FLT4: variants seen among roughly 807,000 people sequenced by gnomAD.
FLT4 encodes the protein fms related receptor tyrosine kinase 4.
Under a neutral mutation model 163.2 loss-of-function variants are expected in FLT4, and 30 were observed. The observed-to-expected ratio is 0.18, with a 90% CI of 0.14 to 0.25. The LOEUF (loss-of-function observed/expected upper bound fraction) is 0.25, where lower values mean the gene tolerates loss of function less well. Among genes scored for constraint, FLT4 ranks in the 10% least tolerant of loss-of-function variants. The probability of loss-of-function intolerance (pLI) is 1.00; values close to 1 mark genes in which losing one functional copy is unlikely to be tolerated. For missense variants in FLT4, 1,510 were observed against 1,863.8 expected, an observed-to-expected ratio of 0.81 and a Z score of 3.50; for synonymous variants, 884 against 789.5, an observed-to-expected ratio of 1.12 and a Z score of -2.01.
intron 2 of FLT4, among the ~76,000 whole-genome samples, chr5:180,631,193 G>A (rs1581681286): frequency 6.6e-6 from 1 of 152,178 alleles, no homozygotes; most frequent in Non-Finnish European, 1.5e-5. Context: ...GATGGGGTGG[G>A]CTGGGCACAG....
At chr5:180,627,689 C>T (rs1763740740) in intron 8 of FLT4, among the ~76,000 whole-genome samples, 1 of 152,314 alleles carries the variant, frequency 6.6e-6, no homozygotes, top group Non-Finnish European at 1.5e-5. Context: ...GAAAGCTGTT[C>T]TGAGAGGCAG....
At chr5:180,608,847 G>T in intron 29 of FLT4, 121 bp downstream of exon 29, 1 of 867,708 alleles carries the variant, frequency 1.2e-6, no homozygotes, top group South Asian at 1.3e-5. Context: ...CGCGCGAAAA[G>T]GCCATAGGGA....
intron 11 of FLT4, 97 bp from the exon 12 acceptor site, chr5:180,622,936 C>T: frequency 1.3e-6 from 1 of 784,554 alleles, no homozygotes; most frequent in Non-Finnish European, 2.2e-6. Flanking sequence ...CCACCCCCCC[C>T]AATCATGGGG....
At position 180,625,931 on chromosome 5, in the gene FLT4, A is replaced by G. The variant is rs746063243; in HGVS notation, c.1359T>C (p.Pro453=). Residue 453 remains proline (P), a synonymous_variant, in exon 10 of 30, where the codon CCT becomes CCC. Coordinates refer to ENST00000261937, the MANE Select transcript of FLT4 (RefSeq NM_182925.5). ...LTCTAYGVPL[P]LSIQWHWRPW... ...GCCGCCAGTGCCACTGGATGCTGAGAGGCAGGGGCACCCCGTAGGCCGTGC... is the reference window on the plus strand; with the variant it reads ...GCCGCCAGTGCCACTGGATGCTGAGGGGCAGGGGCACCCCGTAGGCCGTGC... 3 of 1,612,644 alleles carry G rather than the reference A, an allele frequency of 1.9e-6. No homozygotes were observed. The highest frequency in any genetic ancestry group is 2.7e-5 in the African/African-American group (2 of 75,000).
intron 1 of FLT4, 51 bp downstream of exon 1, chr5:180,649,437 C>G (rs1240745366): frequency 4.4e-6 from 6 of 1,372,634 alleles, no homozygotes; most frequent in South Asian, 1.3e-5. Context: ...CGCGGTACCC[C>G]CTCCCCGGCC....
intron 1 of FLT4, among the ~76,000 whole-genome samples, chr5:180,638,923 C>T (rs1764885778): frequency 6.6e-6 from 1 of 152,094 alleles, no homozygotes; most frequent in South Asian, 2.1e-4. Flanking sequence ...TCTTTCTTAC[C>T]CCACCCCATG....
intron 10 of FLT4, among the ~76,000 whole-genome samples, 166 bp from the exon 11 acceptor site, chr5:180,624,227 GT>G (rs397737232): frequency 1.1e-3 from 149 of 135,022 alleles, no homozygotes; most frequent in South Asian, 6.3e-3. Flanking sequence ...GGACTTTGGT[GT>G]TTTTTTTTTT....
Position 180,620,817 on chromosome 5 carries a change from A to C in FLT4, c.2299+59T>G. ...TGGCCACGACTTGCCCAAGGTGGCC[A>C]CAAGAAAGCGTTAACTGGGGACGGG... On this transcript the variant is annotated intron_variant, in intron 15 of 29. Transcript: ENST00000261937. The surrounding 1 kb of genome is among the most constrained non-coding windows in gnomAD (Gnocchi z 4.4). The C allele has an allele frequency of 1.9e-6, 3 of 1,609,030 alleles. No individual in the cohort carries two copies. In the South Asian group the frequency reaches 3.3e-5, roughly 18 times the overall value.
chr5:180,614,744 C>T (rs1263314767), intron 23 of FLT4, among the ~76,000 whole-genome samples: 1 of 152,136 alleles, frequency 6.6e-6, no homozygotes, highest in Non-Finnish European at 1.5e-5. Context: ...CCCCTCTCTT[C>T]CCAGCTTACG....
In FLT4 at chr5:180,624,023, C is replaced by T. The variant is rs749803588; in HGVS notation, c.1460G>A (p.Arg487His). ...RQQQDLMPQC[R>H]DWRAVTTQDA... ...CTGCGTGGTCACCGCCCTCCAGTCACGGCACTGTGGCATGAGGTCTTGCTG... is the reference window on the plus strand; with the variant it reads ...CTGCGTGGTCACCGCCCTCCAGTCATGGCACTGTGGCATGAGGTCTTGCTG... Residue 487 changes from arginine (R) to histidine (H), a missense_variant, in exon 11 of 30, where the codon CGT (arginine) becomes CAT (histidine). Physicochemically the swap from Arg to His is conservative, Grantham distance 29. Coordinates refer to ENST00000261937, the MANE Select transcript of FLT4 (RefSeq NM_182925.5). The T allele has an allele frequency of 4.6e-5, 74 of 1,613,294 alleles. No individual in the cohort carries two copies. The highest frequency in any genetic ancestry group is 5.3e-5 in the Non-Finnish European group (62 of 1,180,012).
At position 180,619,846 on chromosome 5, in the gene FLT4, G is replaced by A. The variant is rs532363658; in HGVS notation, c.2543-77C>T. ...GACAGGTGGGCGGCGGGGGAGCCCC[G>A]TGCAGAGGTCCAGGAGGACAGGCCT... On this transcript the variant is annotated intron_variant, in intron 17 of 29. Transcript: ENST00000261937. The A allele has an allele frequency of 1.3e-5, 14 of 1,071,752 alleles. No homozygotes were observed. The South Asian group carries it at 1.6e-4, about 12-fold the overall frequency. 66.4% of individuals were successfully genotyped at this position (1,071,752 alleles called of 1,614,324 possible).
chr5:180,629,008 C>T lies in FLT4; in HGVS notation c.986-9G>A. 6.2e-7 allele frequency: 1 copy of T among 1,604,988 alleles called. No individual in the cohort carries two copies. Among genetic ancestry groups the T allele is most frequent in the Non-Finnish European group, 8.5e-7 (1 of 1,172,924 alleles). Reference sequence around the variant, plus strand: ...GCTGATGAAGGGATTTTCTGCCGGACAGGAGAAGTCACTGTAAATCCAGGA... The same window carrying T: ...GCTGATGAAGGGATTTTCTGCCGGATAGGAGAAGTCACTGTAAATCCAGGA... On this transcript the variant is annotated splice_polypyrimidine_tract_variant and intron_variant, in intron 7 of 29. Transcript: ENST00000261937.
At chr5:180,625,445 A>G (rs933070284) in intron 10 of FLT4, among the ~76,000 whole-genome samples, 3 of 152,160 alleles carry the variant, frequency 2.0e-5, no homozygotes, top group African/African-American at 7.2e-5. Context: ...ATGAGCACAC[A>G]TGGTGTGCCG....
chr5:180,629,674 C>T, intron 6 of FLT4, 22 bp downstream of exon 6: 1 of 1,608,252 alleles, frequency 6.2e-7, no homozygotes, highest in Non-Finnish European at 8.5e-7. Flanking sequence ...ACAGGACAGC[C>T]TGGCAGCGCT....
chr5:180,603,322 C>T lies in FLT4; in HGVS notation c.3962G>A (p.Arg1321Gln), dbSNP rs79620092. 0.014 allele frequency: 22,739 copies of T among 1,612,680 alleles called. 192 individuals are homozygous for T. Among genetic ancestry groups the T allele is most frequent in the Non-Finnish European group, 0.018 (20,676 of 1,178,838 alleles). ...GCCTCCTCGGGCCCCCCGCTCAGGC[C>T]GCCGCCGCCTCCCTTGGGAGTCAGG... ...AHPDSQGRRR[R>Q]PERGARGGQV... Residue 1321 changes from arginine (R) to glutamine (Q), a missense_variant, in exon 30 of 30, where the codon CGG becomes CAG. Coordinates refer to ENST00000261937, the MANE Select transcript of FLT4 (RefSeq NM_182925.5).
rs55873739 is a variant in FLT4, at chr5:180,630,190, G to A, written c.513+35C>T. The A allele has an allele frequency of 6.3e-7, 1 of 1,581,426 alleles. No individual in the cohort carries two copies. Among genetic ancestry groups the A allele is most frequent in the Non-Finnish European group, 8.7e-7 (1 of 1,152,354 alleles). On this transcript the variant is annotated intron_variant, in intron 4 of 29. Coordinates refer to ENST00000261937, the MANE Select transcript of FLT4 (RefSeq NM_182925.5). The surrounding 1 kb of genome is among the most constrained non-coding windows in gnomAD (Gnocchi z 6.3). ...GCCGCCTTTCCCAGGGGTGGGATGG[G>A]AGGGTCGGATGCTGGGGTTGGGGTG... is the stretch of plus-strand genomic sequence containing the variant.
intron 10 of FLT4, among the ~76,000 whole-genome samples, chr5:180,624,518 G>A (rs1211952711): frequency 6.6e-6 from 1 of 152,090 alleles, no homozygotes; most frequent in Non-Finnish European, 1.5e-5. Flanking sequence ...GTGAGCCACC[G>A]AGCCCGGCCT....
At chr5:180,640,218 C>T (rs1167266740) in intron 1 of FLT4, among the ~76,000 whole-genome samples, 1 of 152,134 alleles carries the variant, frequency 6.6e-6, no homozygotes, top group African/African-American at 2.4e-5. Flanking sequence ...GGGGGGCAGC[C>T]GGCCGGCTGC....
At chr5:180,646,950 C>T (rs1765521381) in intron 1 of FLT4, among the ~76,000 whole-genome samples, 1 of 152,192 alleles carries the variant, frequency 6.6e-6, no homozygotes, top group Non-Finnish European at 1.5e-5. Flanking sequence ...GGAACAGCAC[C>T]TGCATTCGAG....
Sources: allele counts gnomAD v4.1 joint callset (sites outside exome capture counted in the v4.1 genomes callset), GRCh38; gene constraint gnomAD v4.1.1; non-coding constraint Gnocchi (gnomAD v3.1); transcripts MANE v1.5; gene names NCBI Gene and HGNC (gene_info 2026-07-23, HGNC 2026-07-21).